The following FHL2 variants were observed in gnomAD, a reference collection of about 807,000 sequenced individuals.
FHL2 encodes the protein four and a half LIM domains protein 2.
In FHL2, 20 loss-of-function variants were observed where a neutral mutation model predicts 32.7. The ratio of observed to expected loss-of-function variants is 0.61; its 90% CI spans 0.43 to 0.89. The LOEUF (loss-of-function observed/expected upper bound fraction) is 0.89, where lower values mean the gene tolerates loss of function less well. Among genes scored for constraint, FHL2 ranks in the 40% least tolerant of loss-of-function variants. The pLI is 0.00. For missense variants in FHL2, 311 were observed against 358.6 expected (o/e 0.87, Z 1.07); for synonymous variants, 123 against 128.1 (o/e 0.96, Z 0.27).
chr2:105,407,966 T>G (rs777291016), intron 1 of FHL2, among the ~76,000 whole-genome samples: 14 of 152,188 alleles, frequency 9.2e-5, no homozygotes, highest in Non-Finnish European at 2.1e-4. Flanking sequence ...TGATTTTCTA[T>G]CAAATGCTTT....
chr2:105,387,435 G>T (rs1682405484), intron 2 of FHL2, among the ~76,000 whole-genome samples: 1 of 152,178 alleles, frequency 6.6e-6, no homozygotes, highest in Non-Finnish European at 1.5e-5. Context: ...AGTCCCTGAG[G>T]ATGAATCATT....
intron 1 of FHL2, among the ~76,000 whole-genome samples, chr2:105,408,164 C>G (rs1460776140): frequency 1.3e-5 from 2 of 152,190 alleles, no homozygotes; most frequent in African/African-American, 4.8e-5. Flanking sequence ...TTGCAGTGTG[C>G]TTTTGCTAGG....
rs952578481 is a variant in FHL2 at position 105,361,102 on chromosome 2, C to A, written c.*181G>T. 6 of 543,734 alleles carry A rather than the reference C, an allele frequency of 1.1e-5. No homozygotes were observed. In the Admixed American group the frequency reaches 1.9e-4, roughly 17 times the overall value. 33.7% of individuals were successfully genotyped at this position (543,734 alleles called of 1,614,324 possible). On this transcript the variant is annotated 3_prime_UTR_variant, in exon 7 of 7. Transcript: ENST00000530340. ...AGGGCCTAGGGCGAGTTTTCTCTTT[C>A]CCTGGGACTGAACTATCACAAAGCA...
chr2:105,412,510 G>A (rs1394915846), intron 1 of FHL2, among the ~76,000 whole-genome samples: 2 of 152,220 alleles, frequency 1.3e-5, no homozygotes. Flanking sequence ...GAGATTCAGG[G>A]AGAAGGTTGG....
chr2:105,397,888 GTT>G (rs55868128), intron 1 of FHL2, among the ~76,000 whole-genome samples: 2 of 138,530 alleles, frequency 1.4e-5, no homozygotes, highest in Admixed American at 7.1e-5. Flanking sequence ...TTTGTTTTTT[GTT>G]TTTTTTTGTC....
chr2:105,438,116 C>T (rs535466198), intron 1 of FHL2, among the ~76,000 whole-genome samples: 90 of 152,346 alleles, frequency 5.9e-4, no homozygotes, highest in Non-Finnish European at 1.1e-3. Flanking sequence ...ATTTAAATCT[C>T]TCCTCATTCC....
chr2:105,397,379 C>T (rs1419796323), intron 1 of FHL2, among the ~76,000 whole-genome samples: 1 of 152,090 alleles, frequency 6.6e-6, no homozygotes, highest in African/African-American at 2.4e-5. Context: ...TTCTTAACAA[C>T]CCTAACAAAA....
chr2:105,400,467 GGCTAGTATTTTGAAATT>G, upstream of FHL2, among the ~76,000 whole-genome samples: 1 of 151,898 alleles, frequency 6.6e-6, no homozygotes, highest in Admixed American at 6.6e-5. Flanking sequence ...TGTCAAGACA[GGCTAGTATTTTGAAATT>G]CAGAGCAAAG....
intron 3 of FHL2, chr2:105,385,996 C>A: frequency 2.6e-6 from 1 of 389,280 alleles, no homozygotes; most frequent in Non-Finnish European, 4.5e-6. Context: ...GAGCACAGCA[C>A]CTGCTCCACG....
chr2:105,381,432 G>T (rs959117150), intron 3 of FHL2, among the ~76,000 whole-genome samples: 1 of 152,152 alleles, frequency 6.6e-6, no homozygotes, highest in African/African-American at 2.4e-5. Flanking sequence ...ATAGGTGGCA[G>T]GACTTGTCCC....
intron 1 of FHL2, among the ~76,000 whole-genome samples, chr2:105,415,445 C>T (rs901809673): frequency 1.3e-5 from 2 of 152,076 alleles, no homozygotes; most frequent in South Asian, 2.1e-4. Context: ...AATTTTGCAC[C>T]GTGTGCATTG....
At chr2:105,375,803 G>A (rs1039723783) in intron 3 of FHL2, 2 of 152,260 alleles carry the variant, frequency 1.3e-5, no homozygotes, top group African/African-American at 4.8e-5. Context: ...TCATCCTTGA[G>A]AACCCAAACT....
At chr2:105,381,662 T>C (rs564644901) in intron 3 of FHL2, among the ~76,000 whole-genome samples, 19 of 152,306 alleles carry the variant, frequency 1.2e-4, no homozygotes, top group Non-Finnish European at 2.8e-4. Context: ...CCCTGCTTGA[T>C]TAAATTCCCT....
upstream of FHL2, among the ~76,000 whole-genome samples, chr2:105,401,490 A>C (rs1314477281): frequency 6.6e-6 from 1 of 152,238 alleles, no homozygotes; most frequent in African/African-American, 2.4e-5. Context: ...TTTAAATTAC[A>C]GATGAACATA....
rs544410479 is a variant in FHL2, at chr2:105,386,406, G to A, written c.111C>T (p.Ala37=). 6.2e-7 allele frequency: 1 copy of A among 1,614,214 alleles called. No homozygotes were observed. The highest frequency in any genetic ancestry group is 1.3e-5 in the African/African-American group (1 of 75,060). ...YCVVCFETLF[A]NTCEECGKPI... is the part of the protein sequence containing the mutation. ...GCTTCCCACACTCCTCGCAGGTGTT[G>A]GCGAACAGGGTCTCAAAGCACACCA... The change falls in exon 3 of 7, where the codon GCC becomes GCT. Residue 37 remains alanine, a synonymous_variant. Coordinates refer to ENST00000530340, the MANE Select transcript of FHL2 (RefSeq NM_001318895.3).
chr2:105,393,038 T>C (rs1682843598), intron 2 of FHL2, among the ~76,000 whole-genome samples: 2 of 151,742 alleles, frequency 1.3e-5, no homozygotes, highest in African/African-American at 4.8e-5. Context: ...GGGGCTGCCA[T>C]GACAGACAGC....
intron 3 of FHL2, chr2:105,386,021 G>T: frequency 2.5e-6 from 1 of 407,874 alleles, no homozygotes; most frequent in Non-Finnish European, 4.3e-6. Context: ...TCACCACGGG[G>T]CAAACAGACA....
At chr2:105,374,797 G>A (rs1053736397) in intron 3 of FHL2, among the ~76,000 whole-genome samples, 1 of 152,146 alleles carries the variant, frequency 6.6e-6, no homozygotes, top group Non-Finnish European at 1.5e-5. Context: ...ATCTTAGAAA[G>A]GATATGTTTC....
upstream of FHL2, among the ~76,000 whole-genome samples, chr2:105,402,068 T>C (rs185534727): frequency 7.4e-3 from 1,105 of 149,876 alleles, 7 homozygotes; most frequent in African/African-American, 0.024. Flanking sequence ...TGTATGTACA[T>C]ATACATGTAT....
Sources: allele counts gnomAD v4.1 joint callset (sites outside exome capture counted in the v4.1 genomes callset), GRCh38; gene constraint gnomAD v4.1.1; transcripts MANE v1.5; gene names NCBI Gene and HGNC (gene_info 2026-07-23, HGNC 2026-07-21).